The following GLS variants were observed in gnomAD, a reference collection of about 807,000 sequenced individuals.
GLS encodes glutaminase kidney isoform, mitochondrial.
A neutral mutation model predicts 86.7 loss-of-function variants in GLS; 36 were observed. That is an observed-to-expected ratio of 0.42 (90% CI 0.32 to 0.55). The LOEUF is 0.55. Ranked by LOEUF, GLS falls within the 20% of genes least tolerant of loss-of-function variation. GLS has a pLI of 0.17. For synonymous variants in GLS, 317 were observed against 305.9 expected (o/e 1.04, Z -0.38); for missense variants, 528 against 833.4 (o/e 0.63, Z 4.51).
chr2:190,912,282 G>A (rs1266619213), intron 7 of GLS, among the ~76,000 whole-genome samples: 1 of 148,966 alleles, frequency 6.7e-6, no homozygotes, highest in Non-Finnish European at 1.5e-5. Context: ...TCAGGATATG[G>A]TTTATATTTA....
chr2:190,904,260 T>G (rs1314954913), intron 5 of GLS, among the ~76,000 whole-genome samples: 2 of 152,124 alleles, frequency 1.3e-5, no homozygotes, highest in Non-Finnish European at 2.9e-5. Context: ...TTTAACTTTT[T>G]AACCATGGTT....
rs1688712951 is a variant in GLS, at chr2:190,895,804, T to C, written c.605+79T>C. ...CTGCTTTTAAAACAAAATTGCATCT[T>C]TGAAGGCCACTGCTTCCTGTGTAAT... On this transcript the variant is annotated intron_variant, in intron 3 of 17. Transcript: ENST00000320717. The surrounding 1 kb of genome is among the most constrained non-coding windows in gnomAD (Gnocchi z 4.2). The C allele has an allele frequency of 9.0e-7, 1 of 1,105,516 alleles. No individual in the cohort carries two copies. Among genetic ancestry groups the C allele is most frequent in the Non-Finnish European group, 1.3e-6 (1 of 772,776 alleles). 68.5% of individuals were successfully genotyped at this position (1,105,516 alleles called of 1,614,324 possible). A position where few individuals can be genotyped will look rare whatever the true frequency, so the allele number is the denominator to read the frequency against.
In GLS at chr2:190,902,483, G is replaced by A. The variant is rs927049655; in HGVS notation, c.815+457G>A. Among the ~76,000 whole-genome samples, 5 of 152,118 alleles carry A rather than the reference G, an allele frequency of 3.3e-5. No individual in the cohort carries two copies. In the South Asian group the frequency reaches 8.3e-4, roughly 25 times the overall value. On this transcript the variant is annotated intron_variant, in intron 5 of 17. Transcript: ENST00000320717. ...CGTATCCCAAAGTTAAAAGTCAGTT[G>A]CAAAACATGTAGGATTTCATGAAGT... is the stretch of plus-strand genomic sequence containing the variant.
chr2:190,926,543 T>A (rs1689900869), intron 11 of GLS, among the ~76,000 whole-genome samples: 1 of 152,182 alleles, frequency 6.6e-6, no homozygotes, highest in Non-Finnish European at 1.5e-5. Context: ...CAATTTTGCT[T>A]ACTATTAGCT....
chr2:190,931,452 G>A (rs1178663830), intron 13 of GLS, 93 bp from the exon 14 acceptor site: 2 of 549,132 alleles, frequency 3.6e-6, no homozygotes, highest in South Asian at 5.9e-5. Flanking sequence ...TGATTTCTAG[G>A]CTGGACGATA....
intron 1 of GLS, among the ~76,000 whole-genome samples, chr2:190,885,261 G>T (rs1486924667): frequency 6.6e-6 from 1 of 151,276 alleles, no homozygotes; most frequent in South Asian, 2.1e-4. Flanking sequence ...GTGTGATCTC[G>T]GTTCACTGCA....
chr2:190,937,957 C>A (rs13024969), intron 14 of GLS, among the ~76,000 whole-genome samples: 66,540 of 149,814 alleles, frequency 0.44, 18,376 homozygotes, highest in Non-Finnish European at 0.62. Flanking sequence ...AAAAGGCAAG[C>A]GTTAGAAACA....
At chr2:190,904,658 C>T (rs1454979777) in intron 5 of GLS, among the ~76,000 whole-genome samples, 1 of 152,010 alleles carries the variant, frequency 6.6e-6, no homozygotes, top group African/African-American at 2.4e-5. Flanking sequence ...TACAGTACAC[C>T]TATTTATATG....
At chr2:190,936,909 A>G (rs1316793593) in intron 14 of GLS, among the ~76,000 whole-genome samples, 1 of 151,312 alleles carries the variant, frequency 6.6e-6, no homozygotes, top group East Asian at 1.9e-4. Context: ...GCTAGAAAGC[A>G]TTTTTTAAAG....
At chr2:190,961,561 C>T (rs1382537591) in intron 17 of GLS, among the ~76,000 whole-genome samples, 3 of 152,070 alleles carry the variant, frequency 2.0e-5, no homozygotes, top group South Asian at 4.1e-4. Context: ...AAAGGTAACA[C>T]GCAGTTGACA....
Position 190,929,532 on chromosome 2 carries a change from C to T in GLS, c.1426-905C>T, listed in dbSNP as rs367704484. Among the ~76,000 whole-genome samples the T allele has an allele frequency of 4.6e-4, 67 of 146,614 alleles. 1 individual carries two copies. In the East Asian group the frequency reaches 0.013, roughly 28 times the overall value. On this transcript the variant is annotated intron_variant, in intron 12 of 17. Transcript: ENST00000320717. ...TCACCCAGGCTGGAGTGCAGTGGTG[C>T]GATCTTGGCTCACTGCAACCTCTGC...
Position 190,881,261 on chromosome 2 carries a change from CG to C in GLS, c.182del (p.Gly61AlafsTer71). ...CCGCGCGACTCCACCCGTGGTGGGG[CG>C]GGGGCGGCTGGCCGGCGGAGCCCCT... ...AAARLHPWWG[G>X]GGWPAEPLAR... On this transcript the variant is annotated frameshift_variant, in exon 1 of 18. Coordinates refer to ENST00000320717, the MANE Select transcript of GLS (RefSeq NM_014905.5). LOFTEE classifies it high-confidence loss of function. 7.8e-7 allele frequency: 1 copy of C among 1,289,630 alleles called. No individual in the cohort carries two copies. Among genetic ancestry groups the C allele is most frequent in the Non-Finnish European group, 9.8e-7 (1 of 1,018,812 alleles). The allele number at this position is 1,289,630 out of a possible 1,614,324, so 79.9% of individuals were successfully genotyped here.
chr2:190,949,436 G>T lies in GLS; in HGVS notation c.1651-4129G>T, dbSNP rs1690659982. 6.6e-6 allele frequency among the ~76,000 whole-genome samples: 1 copy of T among 152,138 alleles called. No individual in the cohort carries two copies. Among genetic ancestry groups the T allele is most frequent in the Non-Finnish European group, 1.5e-5 (1 of 68,020 alleles). On this transcript the variant is annotated intron_variant, in intron 14 of 17. Transcript: ENST00000320717. The surrounding 1 kb of genome is among the most constrained non-coding windows in gnomAD (Gnocchi z 4.0). Reference sequence around the variant, plus strand: ...GGGCTGGGCACAGGGGCTCACACCTGTAATCCCTACACTTTGGGAGGCTGA... The same window carrying T: ...GGGCTGGGCACAGGGGCTCACACCTTTAATCCCTACACTTTGGGAGGCTGA...
chr2:190,948,526 A>G (rs372597326), intron 14 of GLS, among the ~76,000 whole-genome samples: 31 of 152,356 alleles, frequency 2.0e-4, no homozygotes, highest in East Asian at 5.8e-4. Flanking sequence ...TCTAAATTCA[A>G]AATTTTAAAG....
chr2:190,900,234 C>T (rs1033380429), intron 3 of GLS, among the ~76,000 whole-genome samples: 3 of 152,100 alleles, frequency 2.0e-5, no homozygotes, highest in African/African-American at 4.8e-5. Context: ...AACCAGATGT[C>T]GTCATGCTGA....
intron 5 of GLS, among the ~76,000 whole-genome samples, chr2:190,904,053 G>C (rs1247183403): frequency 2.0e-5 from 3 of 151,856 alleles, no homozygotes; most frequent in Non-Finnish European, 4.4e-5. Flanking sequence ...GTAATATAAA[G>C]CTTTCTTTTT....
At position 190,963,953 on chromosome 2, in the gene GLS, G is replaced by C. The variant is rs1444861628; in HGVS notation, c.*967G>C. On this transcript the variant is annotated 3_prime_UTR_variant, in exon 18 of 18. Coordinates refer to ENST00000320717, the MANE Select transcript of GLS (RefSeq NM_014905.5). ...AAAGATAAATTCAGAAATGCTCTAA[G>C]CTACCAAAGTTATTCTGAAAGTATG... The C allele has an allele frequency of 1.3e-5, 2 of 151,910 alleles. No homozygotes were observed. The highest frequency in any genetic ancestry group is 2.9e-5 in the Non-Finnish European group (2 of 67,982). The allele number at this position is 151,910 out of a possible 1,614,324, so 9.4% of individuals were successfully genotyped here.
rs528133541 is a variant in GLS at position 190,914,561 on chromosome 2, T to G, written c.1038+4240T>G. Among the ~76,000 whole-genome samples, 1 of 152,228 alleles carries G rather than the reference T, an allele frequency of 6.6e-6. No homozygotes were observed. The highest frequency in any genetic ancestry group is 2.4e-5 in the African/African-American group (1 of 41,560). The stretch of plus-strand genomic sequence containing the variant: ...TTCTTTTTTACCTGGAGTGTCTTAT[T>G]TTTTATTTTCCTAATACTCTTTAGC... On this transcript the variant is annotated intron_variant, in intron 7 of 17. Coordinates refer to ENST00000320717, the MANE Select transcript of GLS (RefSeq NM_014905.5). The surrounding 1 kb of genome is among the most constrained non-coding windows in gnomAD (Gnocchi z 4.4).
At chr2:190,934,616 T>A (rs1690213268) in intron 14 of GLS, 1 of 984,432 alleles carries the variant, frequency 1.0e-6, no homozygotes, top group Non-Finnish European at 1.2e-6. Flanking sequence ...GTTTCCCCTA[T>A]GATCTAAATT....
Sources: gnomAD v4.1 joint callset for allele counts (sites outside exome capture counted in the v4.1 genomes callset) on GRCh38, gnomAD v4.1.1 for gene constraint, Gnocchi (gnomAD v3.1) non-coding constraint, MANE v1.5 for transcripts, NCBI Gene and HGNC (gene_info 2026-07-23, HGNC 2026-07-21) for gene names.